Variants in MYH14 observed in about 807,000 individuals in gnomAD.
The protein encoded by MYH14 is myosin-14.
In MYH14, 123 loss-of-function variants were observed where a neutral mutation model predicts 255.5. The observed-to-expected ratio is 0.48, with a 90% confidence interval of 0.42 to 0.56. MYH14 has a LOEUF of 0.56. Among genes scored for constraint, MYH14 ranks in the 20% least tolerant of loss-of-function variants. The pLI, the probability that MYH14 is intolerant of heterozygous loss-of-function variation, is 0.00. For missense variants in MYH14, 2,423 were observed against 2,802.3 expected, an observed-to-expected ratio of 0.86 and a Z score of 3.06; for synonymous variants, 1,095 against 1,161.2, an observed-to-expected ratio of 0.94 and a Z score of 1.16.
At position 50,250,524 on chromosome 19, in the gene MYH14, C is replaced by G. The variant is rs1306832787; in HGVS notation, c.1666C>G (p.Pro556Ala). The change falls in exon 15 of 43, where the codon CCT (proline) becomes GCT (alanine). Residue 556 changes from proline to alanine, a missense_variant. Pro to Ala is a conservative substitution (Grantham distance 27, BLOSUM62 -1). Coordinates refer to ENST00000642316, the MANE Select transcript of MYH14 (RefSeq NM_001145809.2). The surrounding 1 kb of genome is among the most constrained non-coding windows in gnomAD (Gnocchi z 5.4). ...IDLIERPANPPGLLALLDEEC... is the reference protein window; with the variant it reads ...IDLIERPANPAGLLALLDEEC... ...TGCTGTCAATGGCCAGGCCAACCCC[C>G]CTGGACTCCTGGCCCTGCTGGATGA... The G allele has an allele frequency of 6.2e-7, 1 of 1,613,106 alleles. No individual in the cohort carries two copies. Among genetic ancestry groups the G allele is most frequent in the Non-Finnish European group, 8.5e-7 (1 of 1,179,606 alleles).
chr19:50,206,523 G>A (rs547740169), intron 1 of MYH14, among the ~76,000 whole-genome samples: 6 of 152,208 alleles, frequency 3.9e-5, no homozygotes, highest in Non-Finnish European at 2.9e-5. Context: ...TGGGGGCCAC[G>A]GGGTGGAGAA....
intron 33 of MYH14, 97 bp from the exon 34 acceptor site, chr19:50,286,385 C>T: frequency 8.3e-7 from 1 of 1,201,822 alleles, no homozygotes; most frequent in Non-Finnish European, 1.2e-6. Context: ...CTCTTTCTCT[C>T]TCTTTCTCTG....
chr19:50,251,431 T>C (rs1427546913), intron 15 of MYH14, among the ~76,000 whole-genome samples: 1 of 149,130 alleles, frequency 6.7e-6, no homozygotes, highest in Non-Finnish European at 1.5e-5. Flanking sequence ...AGTTTGACTA[T>C]GAAGACATAA....
chr19:50,277,159 G>A (rs1312080700), intron 29 of MYH14, among the ~76,000 whole-genome samples: 2 of 152,166 alleles, frequency 1.3e-5, no homozygotes, highest in Admixed American at 6.5e-5. Flanking sequence ...TAGTGAGAGA[G>A]GCAGAGGGTA....
In MYH14 at chr19:50,230,406, A is replaced by G; in HGVS notation, c.875-119A>G. 1.2e-6 allele frequency: 1 copy of G among 861,468 alleles called. No homozygotes were observed. The highest frequency in any genetic ancestry group is 2.7e-5 in the East Asian group (1 of 37,388). The allele number at this position is 861,468 out of a possible 1,614,324, so 53.4% of individuals were successfully genotyped here. On this transcript the variant is annotated intron_variant, in intron 8 of 42. Transcript: ENST00000642316. The surrounding 1 kb of genome is among the most constrained non-coding windows in gnomAD (Gnocchi z 4.7). ...GGCAAAGTCACCAGCCTGGGCTGTG[A>G]GCGACTCCACTACACCACAGGAGAG...
intron 18 of MYH14, 150 bp downstream of exon 18, chr19:50,257,636 C>A: frequency 1.3e-6 from 1 of 792,200 alleles, no homozygotes; most frequent in Non-Finnish European, 2.1e-6. Context: ...GGCTCAGGGT[C>A]CGGTTGGGAA....
At chr19:50,272,765 G>T in intron 27 of MYH14, 34 bp downstream of exon 27, 1 of 1,545,790 alleles carries the variant, frequency 6.5e-7, no homozygotes, top group East Asian at 2.4e-5. Flanking sequence ...GGGGTAAGCA[G>T]CATGGGTGCA....
At chr19:50,262,773 C>T (rs1366741017) in intron 21 of MYH14, among the ~76,000 whole-genome samples, 1 of 152,048 alleles carries the variant, frequency 6.6e-6, no homozygotes, top group African/African-American at 2.4e-5. Flanking sequence ...GGGGCCTGAA[C>T]TGCGGCTGGG....
intron 8 of MYH14, 128 bp downstream of exon 8, chr19:50,227,094 CGGCATCTGCATGGGGAGGGGAGGGTGGG>C: frequency 9.0e-6 from 4 of 446,540 alleles, no homozygotes; most frequent in Non-Finnish European, 1.8e-5. Context: ...GATGCTCAGG[CGGCATCTGCATGGGGAGGGGAGGGTGGG>C]ACTTCTGGTG....
In MYH14 at chr19:50,210,375, G is replaced by T. The variant is rs532458856; in HGVS notation, c.10G>T (p.Val4Leu). MAA[V>L]TMSVPGRKAP... ...TTTGCCCCTGCAGACCATGGCAGCC[G>T]TGACCATGTCGGTGCCCGGGCGGAA... The change falls in exon 2 of 43, where the codon GTG (valine) becomes TTG (leucine). Residue 4 changes from valine (V) to leucine (L), a missense_variant. This residue lies in a region of MYH14 where 238 missense variants were observed against 245.8 expected (regional missense o/e 0.97). Coordinates refer to ENST00000642316, the MANE Select transcript of MYH14 (RefSeq NM_001145809.2). 5.0e-6 allele frequency: 8 copies of T among 1,587,804 alleles called. No homozygotes were observed. Among genetic ancestry groups the T allele is most frequent in the Non-Finnish European group, 6.0e-6 (7 of 1,168,530 alleles).
intron 3 of MYH14, among the ~76,000 whole-genome samples, chr19:50,218,718 G>A (rs2032634008): frequency 6.6e-6 from 1 of 152,062 alleles, no homozygotes; most frequent in Non-Finnish European, 1.5e-5. Flanking sequence ...CATCGGAGCA[G>A]TGTACACTGC....
At chr19:50,248,680 A>C (rs1453038697) in intron 12 of MYH14, among the ~76,000 whole-genome samples, 2 of 152,220 alleles carry the variant, frequency 1.3e-5, no homozygotes, top group African/African-American at 2.4e-5. Context: ...GCTGGGATTC[A>C]AACCCAAGTT....
At chr19:50,224,061 G>GCCC in intron 5 of MYH14, 93 bp from the exon 6 acceptor site, 2 of 438,354 alleles carry the variant, frequency 4.6e-6, no homozygotes, top group Admixed American at 3.9e-5. Context: ...CACCCCCCAT[G>GCCC]CCACCACCTG....
In MYH14 at chr19:50,247,070, C is replaced by G; in HGVS notation, c.1277C>G (p.Pro426Arg). Residue 426 changes from proline (P) to arginine (R), a missense_variant, in exon 12 of 43, where the codon CCT becomes CGT. Pro to Arg is a moderately radical substitution (Grantham distance 103). Around this residue, in one of 3 missense-constraint regions of MYH14, gnomAD observed 672 missense variants for 881.8 expected, o/e 0.76. Coordinates refer to ENST00000642316, the MANE Select transcript of MYH14 (RefSeq NM_001145809.2). ...VTDFSRALLT[P>R]RIKVGRDYVQ... ...GATTTCTCCCGAGCCTTGCTCACCC[C>G]TCGCATCAAAGTTGGCCGAGACTAT... is the stretch of plus-strand genomic sequence containing the variant. 1 of 1,613,610 alleles carries G rather than the reference C, an allele frequency of 6.2e-7. No individual in the cohort carries two copies. The highest frequency in any genetic ancestry group is 8.5e-7 in the Non-Finnish European group (1 of 1,179,794).
intron 29 of MYH14, 120 bp from the exon 30 acceptor site, chr19:50,277,962 AC>A: frequency 1.5e-6 from 1 of 661,246 alleles, no homozygotes; most frequent in South Asian, 5.1e-5. Flanking sequence ...CTATTTGTTC[AC>A]TGGGAGAAGT....
At chr19:50,292,126 C>G in intron 36 of MYH14, 135 bp from the exon 37 acceptor site, 1 of 846,508 alleles carries the variant, frequency 1.2e-6, no homozygotes, top group East Asian at 3.4e-5. Context: ...CACAGGAGCC[C>G]AGGTCTGCAG....
chr19:50,224,106 C>T (rs758839354), intron 5 of MYH14, 48 bp from the exon 6 acceptor site: 7 of 1,448,278 alleles, frequency 4.8e-6, no homozygotes, highest in Non-Finnish European at 6.6e-6. Context: ...TGTCCACGTT[C>T]CATGTGCTGT....
At chr19:50,219,054 CTA>C (rs572041429) in intron 3 of MYH14, among the ~76,000 whole-genome samples, 1,975 of 140,246 alleles carry the variant, frequency 0.014, 40 homozygotes, top group African/African-American at 0.048. Flanking sequence ...CTCTCTCTCT[CTA>C]TATATATATA....
intron 3 of MYH14, among the ~76,000 whole-genome samples, chr19:50,219,427 T>C (rs1419170249): frequency 6.6e-6 from 1 of 151,776 alleles, no homozygotes; most frequent in Non-Finnish European, 1.5e-5. Flanking sequence ...ATGGGAACAC[T>C]TTTACACTGC....
Sources: allele counts gnomAD v4.1 joint callset (sites outside exome capture counted in the v4.1 genomes callset), GRCh38; gene constraint gnomAD v4.1.1; regional missense constraint gnomAD v4.1.1; non-coding constraint Gnocchi (gnomAD v3.1); transcripts MANE v1.5; gene names NCBI Gene and HGNC (gene_info 2026-07-23, HGNC 2026-07-21).